Variants in C9orf40 observed in about 807,000 individuals in gnomAD.
C9orf40 encodes the protein uncharacterized protein C9orf40.
Under a neutral mutation model 7.9 loss-of-function variants are expected in C9orf40, and 2 were observed. The ratio of observed to expected loss-of-function variants is 0.25; its 90% CI spans 0.10 to 0.80. The LOEUF (loss-of-function observed/expected upper bound fraction) is 0.80, where lower values mean the gene tolerates loss of function less well. Among genes scored for constraint, C9orf40 ranks in the 30% least tolerant of loss-of-function variants. The pLI is 0.68. For missense variants in C9orf40, 256 were observed against 268.5 expected (o/e 0.95, Z 0.33); for synonymous variants, 113 against 117.6 (o/e 0.96, Z 0.25).
chr9:74,950,418 A>G (rs1832283683), intron 1 of C9orf40, among the ~76,000 whole-genome samples: 1 of 152,186 alleles, frequency 6.6e-6, no homozygotes, highest in Non-Finnish European at 1.5e-5. Context: ...GCATGAGTGG[A>G]GTACTAAAAT....
chr9:74,948,182 T>C lies in C9orf40; in HGVS notation c.451A>G (p.Asn151Asp). ...GGATTCCTCCAGTACTGGAAGGTAT[T>C]ATACTGCCAAAATTCTTCATTGTGC... is the stretch of plus-strand genomic sequence containing the variant. Reference protein sequence around the residue: ...RQHNEEFWQYNTFQYWRNPLP... With the variant: ...RQHNEEFWQYDTFQYWRNPLP... Residue 151 changes from asparagine to aspartate, a missense_variant, in exon 2 of 2, where the codon AAT becomes GAT. Transcript: ENST00000376854. 1 of 1,611,100 alleles carries C rather than the reference T, an allele frequency of 6.2e-7. No individual in the cohort carries two copies. The highest frequency in any genetic ancestry group is 8.5e-7 in the Non-Finnish European group (1 of 1,178,424).
In C9orf40 at chr9:74,952,645, C is replaced by G. The variant is rs1832318286; in HGVS notation, c.-34G>C. 6.6e-7 allele frequency: 1 copy of G among 1,512,946 alleles called. No individual in the cohort carries two copies. Among genetic ancestry groups the G allele is most frequent in the Admixed American group, 2.1e-5 (1 of 47,254 alleles). The allele number at this position is 1,512,946 out of a possible 1,614,324, so 93.7% of individuals were successfully genotyped here. Reference sequence around the variant, plus strand: ...AGGCTCGGGCGGAGCCCGCCAGGCGCGGGAGACCGAGTGCCGATAGCTGCG... The same window carrying G: ...AGGCTCGGGCGGAGCCCGCCAGGCGGGGGAGACCGAGTGCCGATAGCTGCG... On this transcript the variant is annotated 5_prime_UTR_variant, in exon 1 of 2. Transcript: ENST00000376854. The surrounding 1 kb of genome is among the most constrained non-coding windows in gnomAD (Gnocchi z 5.4).
intron 1 of C9orf40, among the ~76,000 whole-genome samples, chr9:74,948,857 G>C (rs1011214797): frequency 6.6e-6 from 1 of 152,274 alleles, no homozygotes; most frequent in East Asian, 1.9e-4. Flanking sequence ...AAAGAATTAA[G>C]TTTTGGGGGA....
chr9:74,952,352 C>G lies in C9orf40; in HGVS notation c.260G>C (p.Arg87Pro). ...GCCTGTCTCCAGACCGTGGTCCTCACGCTCCTGGCCGCTCGGGGCGCTGTT... is the reference window on the plus strand; with the variant it reads ...GCCTGTCTCCAGACCGTGGTCCTCAGGCTCCTGGCCGCTCGGGGCGCTGTT... The part of the protein sequence containing the change: ...GDNSAPSGQE[R>P]EDHGLETGDP... The change falls in exon 1 of 2, where the codon CGT (arginine) becomes CCT (proline). Residue 87 changes from arginine (R) to proline (P), a missense_variant. Transcript: ENST00000376854. This position sits in a 1 kb window ranked among gnomAD's most constrained non-coding sequence, Gnocchi z 5.4. 6.5e-7 allele frequency: 1 copy of G among 1,531,426 alleles called. No individual in the cohort carries two copies. The highest frequency in any genetic ancestry group is 8.7e-7 in the Non-Finnish European group (1 of 1,148,256). 94.9% of individuals were successfully genotyped at this position (1,531,426 alleles called of 1,614,324 possible). A position where few individuals can be genotyped will look rare whatever the true frequency, so the allele number is the denominator to read the frequency against.
At chr9:74,949,640 GC>G (rs1358193986) in intron 1 of C9orf40, among the ~76,000 whole-genome samples, 37 of 152,166 alleles carry the variant, frequency 2.4e-4, no homozygotes, top group African/African-American at 8.9e-4. Flanking sequence ...TGGGACTTAA[GC>G]CCTATTCTGA....
chr9:74,951,192 C>T (rs1452880833), intron 1 of C9orf40, among the ~76,000 whole-genome samples: 1 of 152,210 alleles, frequency 6.6e-6, no homozygotes, highest in Non-Finnish European at 1.5e-5. Context: ...TCTCAGGATT[C>T]TTACATGCAG....
intron 1 of C9orf40, 33 bp from the exon 2 acceptor site, chr9:74,948,239 A>C (rs771438680): frequency 1.3e-5 from 19 of 1,506,660 alleles, no homozygotes; most frequent in Non-Finnish European, 1.5e-5. Context: ...AAAGAGCATC[A>C]ATAGCTTAGA....
At chr9:74,951,473 T>C (rs527276986) in intron 1 of C9orf40, among the ~76,000 whole-genome samples, 9 of 152,088 alleles carry the variant, frequency 5.9e-5, no homozygotes, top group Non-Finnish European at 1.3e-4. Flanking sequence ...TGTGTTTTAA[T>C]AGAGACAGAG....
Position 74,952,252 on chromosome 9 carries a change from G to C in C9orf40, c.360C>G (p.Gly120=). 3 of 992,236 alleles carry C rather than the reference G, an allele frequency of 3.0e-6. No individual in the cohort carries two copies. Among genetic ancestry groups the C allele is most frequent in the East Asian group, 1.0e-4 (1 of 9,600 alleles). The allele number at this position is 992,236 out of a possible 1,614,324, so 61.5% of individuals were successfully genotyped here. A position where few individuals can be genotyped will look rare whatever the true frequency, so the allele number is the denominator to read the frequency against. Residue 120 remains glycine (G), a synonymous_variant, in exon 1 of 2, where the codon GGC becomes GGG. Transcript: ENST00000376854. The surrounding 1 kb of genome is among the most constrained non-coding windows in gnomAD (Gnocchi z 5.4). The part of the protein sequence containing the change: ...EELPGARLPG[G]GGDDGAGRAG... ...CGCGCCCCGCCCCGTCGTCGCCACC[G>C]CCCCCCGGGAGCCGGGCGCCCGGGA... is the stretch of plus-strand genomic sequence containing the variant.
chr9:74,949,768 G>A (rs932603669), intron 1 of C9orf40, among the ~76,000 whole-genome samples: 2 of 152,138 alleles, frequency 1.3e-5, no homozygotes, highest in Admixed American at 1.3e-4. Flanking sequence ...TGTCTTTGGA[G>A]GCAGGAAGGA....
chr9:74,952,633 GC>G lies in C9orf40; in HGVS notation c.-23del. On this transcript the variant is annotated 5_prime_UTR_variant, in exon 1 of 2. Transcript: ENST00000376854. The surrounding 1 kb of genome is among the most constrained non-coding windows in gnomAD (Gnocchi z 5.4). ...CCATGGGCCCAGAGGCTCGGGCGGA[GC>G]CCGCCAGGCGCGGGAGACCGAGTGC... is the stretch of plus-strand genomic sequence containing the variant. 1 of 1,527,268 alleles carries G rather than the reference GC, an allele frequency of 6.5e-7. No homozygotes were observed. Among genetic ancestry groups the G allele is most frequent in the Non-Finnish European group, 8.7e-7 (1 of 1,146,832 alleles). The allele number at this position is 1,527,268 out of a possible 1,614,324, so 94.6% of individuals were successfully genotyped here.
rs1832256810 is a variant in C9orf40, at chr9:74,947,667, C to T, written c.*381G>A. 1.3e-5 allele frequency: 2 copies of T among 157,512 alleles called. No homozygotes were observed. Among genetic ancestry groups the T allele is most frequent in the Non-Finnish European group, 2.8e-5 (2 of 71,478 alleles). 9.8% of individuals were successfully genotyped at this position (157,512 alleles called of 1,614,324 possible). A position where few individuals can be genotyped will look rare whatever the true frequency, so the allele number is the denominator to read the frequency against. On this transcript the variant is annotated 3_prime_UTR_variant, in exon 2 of 2. Coordinates refer to ENST00000376854, the MANE Select transcript of C9orf40 (RefSeq NM_017998.3). ...ACTTTATTAACAAGTTATTATAAAA[C>T]AATATTCATTTTATATACCACAAAT... is the stretch of plus-strand genomic sequence containing the variant.
In C9orf40 at chr9:74,952,194, A is replaced by G. The variant is rs1162518220; in HGVS notation, c.418T>C (p.Ser140Pro). The G allele has an allele frequency of 4.1e-6, 1 of 243,460 alleles. No homozygotes were observed. The highest frequency in any genetic ancestry group is 6.3e-6 in the Non-Finnish European group (1 of 159,970). 15.1% of individuals were successfully genotyped at this position (243,460 alleles called of 1,614,324 possible). A position where few individuals can be genotyped will look rare whatever the true frequency, so the allele number is the denominator to read the frequency against. The change falls in exon 1 of 2, where the codon TCG becomes CCG. Residue 140 changes from serine to proline, a missense_variant. Ser to Pro is a moderately conservative substitution (Grantham distance 74). Transcript: ENST00000376854. The surrounding 1 kb of genome is among the most constrained non-coding windows in gnomAD (Gnocchi z 5.4). Reference protein sequence around the residue: ...GPPRGDWGVASRQHNEEFWQY... With the variant: ...GPPRGDWGVAPRQHNEEFWQY... Reference sequence around the variant, plus strand: ...CCGCCCCCAGCCCCTACCTGGCGCGATGCGACCCCCCAGTCTCCCCGCGGG... The same window carrying G: ...CCGCCCCCAGCCCCTACCTGGCGCGGTGCGACCCCCCAGTCTCCCCGCGGG...
chr9:74,952,424 A>G lies in C9orf40; in HGVS notation c.188T>C (p.Met63Thr). 6.3e-7 allele frequency: 1 copy of G among 1,598,798 alleles called. No individual in the cohort carries two copies. Among genetic ancestry groups the G allele is most frequent in the East Asian group, 2.3e-5 (1 of 44,428 alleles). ...GCTGGGCGAAGCCGAGGGCTCTGCC[A>G]TGGTCCCTGCGTCGATTTTGCGCTT... Reference protein sequence around the residue: ...HRKRKIDAGTMAEPSASPSKR... With the variant: ...HRKRKIDAGTTAEPSASPSKR... The change falls in exon 1 of 2, where the codon ATG becomes ACG. Residue 63 changes from methionine (M) to threonine (T), a missense_variant. By Grantham distance (81) the Met-to-Thr change is moderately conservative (BLOSUM62 -1). Coordinates refer to ENST00000376854, the MANE Select transcript of C9orf40 (RefSeq NM_017998.3). This position sits in a 1 kb window ranked among gnomAD's most constrained non-coding sequence, Gnocchi z 5.4.
At position 74,952,306 on chromosome 9, in the gene C9orf40, C is replaced by A. The variant is rs976736492; in HGVS notation, c.306G>T (p.Pro102=). The change falls in exon 1 of 2, where the codon CCG becomes CCT. Residue 102 remains proline (P), a synonymous_variant. Transcript: ENST00000376854. This position sits in a 1 kb window ranked among gnomAD's most constrained non-coding sequence, Gnocchi z 5.4. ...LETGDPPLPP[P]PVLPGPGEEL... is the part of the protein sequence containing the mutation. Reference sequence around the variant, plus strand: ...CCTCCCCCGGCCCCGGCAGTACGGGCGGCGGCGGCAGCGGCGGATCGCCTG... The same window carrying A: ...CCTCCCCCGGCCCCGGCAGTACGGGAGGCGGCGGCAGCGGCGGATCGCCTG... 6 of 1,368,652 alleles carry A rather than the reference C, an allele frequency of 4.4e-6. No homozygotes were observed. The Admixed American group carries it at 1.6e-4, about 36-fold the overall frequency. 84.8% of individuals were successfully genotyped at this position (1,368,652 alleles called of 1,614,324 possible).
At position 74,946,745 on chromosome 9, in the gene C9orf40, A is replaced by C. The variant is rs567146014; in HGVS notation, c.*1303T>G. On this transcript the variant is annotated 3_prime_UTR_variant, in exon 2 of 2. Transcript: ENST00000376854. ...TACAGTTTGTCTTCTGTTCTAAAGC[A>C]TTCTTATTAATGTCAACCCATTCTT... 4.6e-5 allele frequency: 7 copies of C among 152,318 alleles called. No individual in the cohort carries two copies. The highest frequency in any genetic ancestry group is 1.7e-4 in the African/African-American group (7 of 41,568). The allele number at this position is 152,318 out of a possible 1,614,324, so 9.4% of individuals were successfully genotyped here.
intron 1 of C9orf40, among the ~76,000 whole-genome samples, chr9:74,951,503 C>T (rs1423829337): frequency 1.3e-5 from 2 of 152,292 alleles, no homozygotes; most frequent in East Asian, 1.9e-4. Flanking sequence ...ATTGGCCAGG[C>T]TGGTCTCGAA....
chr9:74,948,661 A>G (rs1832267820), intron 1 of C9orf40, among the ~76,000 whole-genome samples: 1 of 152,160 alleles, frequency 6.6e-6, no homozygotes, highest in African/African-American at 2.4e-5. Flanking sequence ...ATATTTTGAA[A>G]TCTTCCAAAA....
Position 74,952,588 on chromosome 9 carries a change from C to G in C9orf40, c.24G>C (p.Glu8Asp). The G allele has an allele frequency of 6.4e-7, 1 of 1,572,624 alleles. No homozygotes were observed. The highest frequency in any genetic ancestry group is 1.1e-5 in the South Asian group (1 of 87,636). MAKRRAA[E>D]PVTFHVPWKR... ...TCCAAGGCACGTGGAACGTCACCGG[C>G]TCGGCCGCACGCCGCTTGGCCATGG... is the stretch of plus-strand genomic sequence containing the variant. Residue 8 changes from glutamate (E) to aspartate (D), a missense_variant, in exon 1 of 2, where the codon GAG (glutamate) becomes GAC (aspartate). Glu to Asp is a conservative substitution (Grantham distance 45, BLOSUM62 2). Transcript: ENST00000376854. The surrounding 1 kb of genome is among the most constrained non-coding windows in gnomAD (Gnocchi z 5.4).
Sources: allele counts gnomAD v4.1 joint callset (sites outside exome capture counted in the v4.1 genomes callset), GRCh38; gene constraint gnomAD v4.1.1; non-coding constraint Gnocchi (gnomAD v3.1); transcripts MANE v1.5; gene names NCBI Gene and HGNC (gene_info 2026-07-23, HGNC 2026-07-21).